The following PLA2G4E variants were observed in gnomAD, a reference collection of about 807,000 sequenced individuals.
PLA2G4E encodes the protein cytosolic phospholipase A2 epsilon.
A neutral mutation model predicts 109.1 loss-of-function variants in PLA2G4E; 84 were observed. The ratio of observed to expected loss-of-function variants is 0.77; its 90% CI spans 0.65 to 0.92. The LOEUF is 0.92. Ranked by LOEUF, PLA2G4E falls within the 40% of genes least tolerant of loss-of-function variation. The pLI, the probability that PLA2G4E is intolerant of heterozygous loss-of-function variation, is 0.00. For synonymous variants in PLA2G4E, 469 were observed against 436.1 expected (o/e 1.08, Z -0.94); for missense variants, 1,057 against 1,076.6 (o/e 0.98, Z 0.25).
At chr15:41,993,022 C>G (rs778741758) in intron 12 of PLA2G4E, 63 bp from the exon 13 acceptor site, 1 of 1,430,508 alleles carries the variant, frequency 7.0e-7, no homozygotes. Context: ...GTCCTGGACC[C>G]GGGCAGGAGG....
At chr15:42,018,770 C>T (rs897637701) in intron 1 of PLA2G4E, among the ~76,000 whole-genome samples, 1 of 152,124 alleles carries the variant, frequency 6.6e-6, no homozygotes, top group Non-Finnish European at 1.5e-5. Context: ...ACTCCACTGC[C>T]CCCTGGGGAC....
chr15:42,014,790 G>T (rs950873901), intron 1 of PLA2G4E, among the ~76,000 whole-genome samples: 17 of 152,178 alleles, frequency 1.1e-4, no homozygotes, highest in Admixed American at 1.3e-4. Context: ...AGGTCCTTGT[G>T]GAGTCTTGGC....
At chr15:41,988,877 A>G (rs2068193334) in intron 15 of PLA2G4E, among the ~76,000 whole-genome samples, 2 of 152,236 alleles carry the variant, frequency 1.3e-5, no homozygotes, top group Non-Finnish European at 2.9e-5. Context: ...GGGAAGGCAC[A>G]GACAACTAAT....
At chr15:41,993,050 T>A in intron 12 of PLA2G4E, 91 bp from the exon 13 acceptor site, 1 of 1,194,284 alleles carries the variant, frequency 8.4e-7, no homozygotes, top group Non-Finnish European at 1.2e-6. Flanking sequence ...GGCAGGCCAT[T>A]GAGAACCCTA....
At chr15:42,038,992 G>A (rs1037655098) in intron 1 of PLA2G4E, among the ~76,000 whole-genome samples, 2 of 152,084 alleles carry the variant, frequency 1.3e-5, no homozygotes, top group Admixed American at 1.3e-4. Flanking sequence ...ATCTCATTGT[G>A]GTTTTCATAG....
intron 2 of PLA2G4E, chr15:42,010,209 C>G (rs1200469084): frequency 3.8e-6 from 2 of 524,436 alleles, no homozygotes; most frequent in Non-Finnish European, 7.8e-6. Context: ...AGGGTGCCAG[C>G]TCTATACCTA....
chr15:42,024,921 C>T (rs1423280090), intron 1 of PLA2G4E, among the ~76,000 whole-genome samples: 1 of 152,088 alleles, frequency 6.6e-6, no homozygotes, highest in Non-Finnish European at 1.5e-5. Flanking sequence ...TAAAGAGGAG[C>T]CAGGCGCGGT....
chr15:42,029,069 T>A (rs972508386), intron 1 of PLA2G4E, among the ~76,000 whole-genome samples: 2 of 152,180 alleles, frequency 1.3e-5, no homozygotes, highest in African/African-American at 4.8e-5. Flanking sequence ...TACAAAATAT[T>A]AAGGGCCAGC....
intron 3 of PLA2G4E, 56 bp from the exon 4 acceptor site, chr15:42,006,177 C>T (rs1435091089): frequency 6.2e-7 from 1 of 1,602,792 alleles, no homozygotes; most frequent in African/African-American, 1.3e-5. Flanking sequence ...GACCCCTTCC[C>T]AGAACAAGGG....
intron 1 of PLA2G4E, among the ~76,000 whole-genome samples, chr15:42,039,416 G>C (rs1444510738): frequency 6.6e-6 from 1 of 152,062 alleles, no homozygotes; most frequent in African/African-American, 2.4e-5. Flanking sequence ...TACCAATATG[G>C]AAAAATACTT....
At chr15:42,009,722 C>T (rs12439687) in intron 2 of PLA2G4E, 30 of 164,418 alleles carry the variant, frequency 1.8e-4, no homozygotes, top group Non-Finnish European at 3.4e-4. Flanking sequence ...ACGCACTCAC[C>T]GTTTAGACTC....
intron 1 of PLA2G4E, among the ~76,000 whole-genome samples, chr15:42,037,903 C>G (rs1889246494): frequency 6.6e-6 from 1 of 152,202 alleles, no homozygotes; most frequent in South Asian, 2.1e-4. Context: ...CATTGCTGCT[C>G]TATGCAGTCT....
chr15:41,993,008 A>G (rs2068277799), intron 12 of PLA2G4E, 49 bp from the exon 13 acceptor site: 1 of 1,522,908 alleles, frequency 6.6e-7, no homozygotes, highest in East Asian at 2.4e-5. Context: ...CCCCTGTCTG[A>G]TGAGTCCTGG....
At chr15:42,028,609 G>A (rs528966719) in intron 1 of PLA2G4E, among the ~76,000 whole-genome samples, 1 of 152,126 alleles carries the variant, frequency 6.6e-6, no homozygotes, top group Admixed American at 6.5e-5. Flanking sequence ...GTTTCACCAT[G>A]TGGGCCAGGC....
intron 1 of PLA2G4E, among the ~76,000 whole-genome samples, chr15:42,031,992 G>T (rs759358654): frequency 2.0e-5 from 3 of 152,282 alleles, no homozygotes; most frequent in Admixed American, 1.3e-4. Flanking sequence ...TGGTCCTTCT[G>T]GTGGTAATGA....
intron 14 of PLA2G4E, 35 bp downstream of exon 14, chr15:41,990,086 C>G: frequency 6.3e-7 from 1 of 1,575,714 alleles, no homozygotes; most frequent in Non-Finnish European, 8.7e-7. Context: ...TCCCCCCCTC[C>G]ACCCCACTTG....
chr15:42,034,949 CCA>C (rs1343163449), intron 1 of PLA2G4E, among the ~76,000 whole-genome samples: 1 of 152,204 alleles, frequency 6.6e-6, no homozygotes, highest in Non-Finnish European at 1.5e-5. Flanking sequence ...GAACAGAACT[CCA>C]CACAGACTCC....
intron 1 of PLA2G4E, among the ~76,000 whole-genome samples, chr15:42,015,142 C>T (rs2068576525): frequency 6.6e-6 from 1 of 152,158 alleles, no homozygotes; most frequent in Non-Finnish European, 1.5e-5. Context: ...CCTTAAGGCC[C>T]CACGTCCCTC....
intron 1 of PLA2G4E, among the ~76,000 whole-genome samples, chr15:42,036,510 G>A (rs990569003): frequency 2.0e-5 from 3 of 152,122 alleles, no homozygotes; most frequent in Admixed American, 1.3e-4. Context: ...TGCCTCGGGT[G>A]GAGGCTCTGC....
Sources: allele counts gnomAD v4.1 joint callset (sites outside exome capture counted in the v4.1 genomes callset), GRCh38; gene constraint gnomAD v4.1.1; transcripts MANE v1.5; gene names NCBI Gene and HGNC (gene_info 2026-07-23, HGNC 2026-07-21).